TEAD1: variants seen among roughly 807,000 people sequenced by gnomAD.
TEAD1 encodes the protein transcriptional enhancer factor TEF-1.
TEAD1 carries 9 observed loss-of-function variants against 54.9 expected under a neutral mutation model. The observed-to-expected ratio is 0.16, with a 90% CI of 0.10 to 0.29. The LOEUF (loss-of-function observed/expected upper bound fraction) is 0.29, where lower values mean the gene tolerates loss of function less well. Ranked by LOEUF, TEAD1 falls within the 10% of genes least tolerant of loss-of-function variation. The probability of loss-of-function intolerance (pLI) is 1.00; values close to 1 mark genes in which losing one functional copy is unlikely to be tolerated. For missense variants in TEAD1, 387 were observed against 535.9 expected (o/e 0.72, Z 2.74); for synonymous variants, 200 against 187.8 (o/e 1.07, Z -0.53).
chr11:12,899,473 C>T (rs1010698594), intron 9 of TEAD1, among the ~76,000 whole-genome samples: 9 of 152,056 alleles, frequency 5.9e-5, no homozygotes, highest in East Asian at 1.9e-4. Flanking sequence ...TCATACATTT[C>T]CATGGGCTGT....
At chr11:12,730,483 C>T (rs1027550018) in intron 2 of TEAD1, among the ~76,000 whole-genome samples, 3 of 134,392 alleles carry the variant, frequency 2.2e-5, no homozygotes, top group South Asian at 2.4e-4. Flanking sequence ...GTGAGAGAAC[C>T]GAGAGAGGTA....
chr11:12,876,922 G>A (rs897861111), intron 5 of TEAD1, among the ~76,000 whole-genome samples: 40 of 152,206 alleles, frequency 2.6e-4, no homozygotes, highest in Non-Finnish European at 1.0e-4. Flanking sequence ...CCACAGAATA[G>A]CCAACAGTAG....
intron 2 of TEAD1, among the ~76,000 whole-genome samples, chr11:12,757,293 C>G (rs1945003397): frequency 6.6e-6 from 1 of 152,188 alleles, no homozygotes; most frequent in Non-Finnish European, 1.5e-5. Context: ...TCTTTACACC[C>G]TGGCTGCTCC....
intron 3 of TEAD1, among the ~76,000 whole-genome samples, chr11:12,861,461 C>T (rs996674780): frequency 6.6e-6 from 1 of 152,076 alleles, no homozygotes; most frequent in Non-Finnish European, 1.5e-5. Flanking sequence ...TGTCCGGCTT[C>T]CGTGGCCACA....
intron 2 of TEAD1, among the ~76,000 whole-genome samples, chr11:12,693,677 C>T (rs781230789): frequency 1.1e-4 from 17 of 152,164 alleles, no homozygotes; most frequent in Admixed American, 3.3e-4. Context: ...TTTCGGTAAC[C>T]GTTGTCCTCC....
At chr11:12,923,012 A>T (rs1021914787) in intron 10 of TEAD1, 5 of 151,766 alleles carry the variant, frequency 3.3e-5, no homozygotes, top group African/African-American at 1.2e-4. Flanking sequence ...CTCTGCTTCA[A>T]CAACCACCAC....
chr11:12,921,450 G>A (rs1948803740), intron 10 of TEAD1, among the ~76,000 whole-genome samples: 1 of 151,016 alleles, frequency 6.6e-6, no homozygotes, highest in African/African-American at 2.4e-5. Flanking sequence ...TGAGGCAGGA[G>A]AGTCGCTCAA....
At chr11:12,683,559 T>C (rs1346416563) in intron 2 of TEAD1, among the ~76,000 whole-genome samples, 1 of 152,114 alleles carries the variant, frequency 6.6e-6, no homozygotes, top group East Asian at 1.9e-4. Context: ...GAGGAAGTGA[T>C]GTTGGAGTTG....
intron 8 of TEAD1, among the ~76,000 whole-genome samples, chr11:12,882,777 G>A (rs184452309): frequency 6.6e-6 from 1 of 152,330 alleles, no homozygotes; most frequent in East Asian, 1.9e-4. Flanking sequence ...AACCTTAGCT[G>A]AAGTTGGCTT....
At chr11:12,696,464 G>T (rs1943584690) in intron 2 of TEAD1, among the ~76,000 whole-genome samples, 1 of 152,196 alleles carries the variant, frequency 6.6e-6, no homozygotes, top group Admixed American at 6.5e-5. Context: ...CCACTTTGCA[G>T]AGAGACAAGG....
In TEAD1 at chr11:12,879,843, G is replaced by A; in HGVS notation, c.465+1G>A. 2 of 1,613,188 alleles carry A rather than the reference G, an allele frequency of 1.2e-6. No homozygotes were observed. Among genetic ancestry groups the A allele is most frequent in the Non-Finnish European group, 1.7e-6 (2 of 1,180,032 alleles). The stretch of plus-strand genomic sequence containing the variant: ...CCCGACCTTCCCAGGGGCGCCGGGG[G>A]TAAGTCATGAGCTCAGTCCAGTAAT... On this transcript the variant is annotated splice_donor_variant, in intron 6 of 12. Transcript: ENST00000527636. LOFTEE classifies it high-confidence loss of function.
intron 10 of TEAD1, among the ~76,000 whole-genome samples, chr11:12,910,049 T>C (rs1948590048): frequency 6.6e-6 from 1 of 152,158 alleles, no homozygotes; most frequent in African/African-American, 2.4e-5. Flanking sequence ...CATTGCAGCA[T>C]TGAGATTCAG....
At position 12,726,548 on chromosome 11, in the gene TEAD1, TG is replaced by T. The variant is rs554309335; in HGVS notation, c.-54-37625del. On this transcript the variant is annotated intron_variant, in intron 2 of 12. Coordinates refer to ENST00000527636, the MANE Select transcript of TEAD1 (RefSeq NM_021961.6). The stretch of plus-strand genomic sequence containing the variant: ...ACCACTGAATTTCAAAGACTTAGTA[TG>T]GGGGGAAAAAAAGTAAAACACATCA... 4.3e-5 allele frequency among the ~76,000 whole-genome samples: 5 copies of T among 117,310 alleles called. No homozygotes were observed. In the East Asian group the frequency reaches 8.7e-4, roughly 20 times the overall value. The allele number at this position is 117,310 out of a possible 152,430, so 77.0% of individuals were successfully genotyped here.
intron 2 of TEAD1, among the ~76,000 whole-genome samples, chr11:12,748,326 A>G (rs1477706435): frequency 1.3e-5 from 2 of 152,176 alleles, no homozygotes; most frequent in African/African-American, 2.4e-5. Flanking sequence ...TTGAGTTCCA[A>G]CAATCTGTCA....
chr11:12,794,467 G>A (rs1945871010), intron 3 of TEAD1, among the ~76,000 whole-genome samples: 1 of 152,220 alleles, frequency 6.6e-6, no homozygotes, highest in Non-Finnish European at 1.5e-5. Flanking sequence ...GGTGTTGATG[G>A]ATTTTGGGTA....
intron 10 of TEAD1, among the ~76,000 whole-genome samples, chr11:12,923,422 A>G (rs1564992211): frequency 6.6e-6 from 1 of 151,932 alleles, no homozygotes; most frequent in African/African-American, 2.4e-5. Flanking sequence ...GTCCCCCCGT[A>G]CCTCTCTCCC....
intron 10 of TEAD1, among the ~76,000 whole-genome samples, chr11:12,903,210 C>T (rs1948454671): frequency 6.6e-6 from 1 of 152,192 alleles, no homozygotes; most frequent in Non-Finnish European, 1.5e-5. Flanking sequence ...CAGAGACAGG[C>T]TTGTAGGTTG....
At chr11:12,790,183 T>C (rs1406875015) in intron 3 of TEAD1, among the ~76,000 whole-genome samples, 1 of 152,190 alleles carries the variant, frequency 6.6e-6, no homozygotes, top group African/African-American at 2.4e-5. Context: ...CTACCTACAG[T>C]GCCTGCTACC....
At chr11:12,921,538 CAA>C (rs10684810) in intron 10 of TEAD1, among the ~76,000 whole-genome samples, 1,407 of 130,728 alleles carry the variant, frequency 0.011, 14 homozygotes, top group African/African-American at 0.033. Flanking sequence ...AACTCCATCT[CAA>C]AAAAAAAAAA....
Sources: gnomAD v4.1 joint callset for allele counts (sites outside exome capture counted in the v4.1 genomes callset) on GRCh38, gnomAD v4.1.1 for gene constraint, MANE v1.5 for transcripts, NCBI Gene and HGNC (gene_info 2026-07-23, HGNC 2026-07-21) for gene names.